Variants in ABL1 observed in about 807,000 individuals in gnomAD.
ABL1 encodes ABL proto-oncogene 1, non-receptor tyrosine kinase, also known as tyrosine-protein kinase ABL1.
A neutral mutation model predicts 94.7 loss-of-function variants in ABL1; 11 were observed. The observed-to-expected ratio is 0.12, with a 90% CI of 0.07 to 0.19. The LOEUF is 0.19. ABL1 is among the 10% of genes least tolerant of loss of function. ABL1 has a pLI of 1.00. For missense variants in ABL1, 1,082 were observed against 1,489.4 expected (o/e 0.73, Z 4.50); for synonymous variants, 656 against 622.4 (o/e 1.05, Z -0.80).
intron 1 of ABL1, among the ~76,000 whole-genome samples, chr9:130,735,903 G>GTA (rs147191210): frequency 0.52 from 72,035 of 139,758 alleles, 20,221 homozygotes; most frequent in African/African-American, 0.73. Flanking sequence ...ATATATATGT[G>GTA]TGTGTATATG....
chr9:130,745,000 A>G (rs975660878), intron 1 of ABL1, among the ~76,000 whole-genome samples: 3 of 151,990 alleles, frequency 2.0e-5, no homozygotes, highest in African/African-American at 7.2e-5. Flanking sequence ...ATGTTTTTCA[A>G]CTGTTTGCTT....
At position 130,881,935 on chromosome 9, in the gene ABL1, G is replaced by A. The variant is rs144052775; in HGVS notation, c.1678+1271G>A. 2.3e-3 allele frequency among the ~76,000 whole-genome samples: 344 copies of A among 151,840 alleles called. 1 individual carries two copies. Among genetic ancestry groups the A allele is most frequent in the African/African-American group, 6.7e-3 (279 of 41,342 alleles). ...CCCATATATATGGTATATAAAGTACGTATGTCCACTACTGTAGGAGTAGAG... is the reference window on the plus strand; with the variant it reads ...CCCATATATATGGTATATAAAGTACATATGTCCACTACTGTAGGAGTAGAG... On this transcript the variant is annotated intron_variant, in intron 10 of 10. Coordinates refer to ENST00000318560, the MANE Select transcript of ABL1 (RefSeq NM_005157.6).
chr9:130,881,998 T>C (rs532694503), intron 10 of ABL1, among the ~76,000 whole-genome samples: 37 of 152,308 alleles, frequency 2.4e-4, no homozygotes, highest in African/African-American at 8.2e-4. Flanking sequence ...TTTAAAAGGC[T>C]TGCATGCTAA....
At chr9:130,742,932 A>C (rs1349418151) in intron 1 of ABL1, among the ~76,000 whole-genome samples, 1 of 152,180 alleles carries the variant, frequency 6.6e-6, no homozygotes, top group Non-Finnish European at 1.5e-5. Flanking sequence ...TAAAACTTTA[A>C]AAAATGCGTT....
At chr9:130,870,845 A>G (rs868489562) in intron 4 of ABL1, among the ~76,000 whole-genome samples, 5 of 152,180 alleles carry the variant, frequency 3.3e-5, no homozygotes, top group Admixed American at 1.3e-4. Flanking sequence ...ACATAGCCTC[A>G]TTGGTCACGC....
intron 1 of ABL1, among the ~76,000 whole-genome samples, chr9:130,821,739 T>C (rs1359804860): frequency 6.6e-6 from 1 of 151,166 alleles, no homozygotes; most frequent in East Asian, 2.0e-4. Context: ...CTTGGCTCAC[T>C]GCAACTTCCG....
chr9:130,729,116 G>A (rs531201403), intron 1 of ABL1, among the ~76,000 whole-genome samples: 3 of 152,082 alleles, frequency 2.0e-5, no homozygotes, highest in East Asian at 1.9e-4. Context: ...CCAGACACCC[G>A]GCCCTTAGAA....
At chr9:130,792,765 C>T (rs1411342575) in intron 1 of ABL1, among the ~76,000 whole-genome samples, 2 of 152,122 alleles carry the variant, frequency 1.3e-5, no homozygotes, top group African/African-American at 4.8e-5. Flanking sequence ...GAGCTAAGAT[C>T]CTCAGAGAGG....
At chr9:130,857,850 C>T (rs534902297) in intron 3 of ABL1, among the ~76,000 whole-genome samples, 3 of 152,072 alleles carry the variant, frequency 2.0e-5, no homozygotes, top group Non-Finnish European at 4.4e-5. Flanking sequence ...TGTGACTAGA[C>T]GTGGGCCTGT....
At chr9:130,722,944 C>T (rs547556701) in intron 1 of ABL1, among the ~76,000 whole-genome samples, 4 of 152,174 alleles carry the variant, frequency 2.6e-5, no homozygotes, top group Non-Finnish European at 5.9e-5. Flanking sequence ...TGCTTCAGAT[C>T]TCCAAGTGTG....
At position 130,855,310 on chromosome 9, in the gene ABL1, T is replaced by C. The variant is rs143069209; in HGVS notation, c.549+214T>C. 1.1e-4 allele frequency among the ~76,000 whole-genome samples: 16 copies of C among 152,330 alleles called. No individual in the cohort carries two copies. The East Asian group carries it at 3.1e-3, about 29-fold the overall frequency. On this transcript the variant is annotated intron_variant, in intron 3 of 10. Coordinates refer to ENST00000318560, the MANE Select transcript of ABL1 (RefSeq NM_005157.6). ...TCCTGGGACTGGTATGATTCTCTTATTGTCTTGCTAGAGTTTTGTTGTTAG... is the reference window on the plus strand; with the variant it reads ...TCCTGGGACTGGTATGATTCTCTTACTGTCTTGCTAGAGTTTTGTTGTTAG...
intron 1 of ABL1, among the ~76,000 whole-genome samples, chr9:130,851,986 C>A (rs1417161072): frequency 6.6e-6 from 1 of 151,796 alleles, no homozygotes; most frequent in East Asian, 1.9e-4. Flanking sequence ...GCCATGTTGG[C>A]CAGGCTGGTC....
At chr9:130,821,561 G>A (rs1830363274) in intron 1 of ABL1, among the ~76,000 whole-genome samples, 1 of 151,592 alleles carries the variant, frequency 6.6e-6, no homozygotes. Flanking sequence ...TCCAGTTTTG[G>A]TCATCATTAA....
At chr9:130,821,387 A>G (rs61492445) in intron 1 of ABL1, among the ~76,000 whole-genome samples, 7 of 152,286 alleles carry the variant, frequency 4.6e-5, no homozygotes, top group African/African-American at 1.7e-4. Context: ...AGTTTTATAC[A>G]ATATATGACC....
chr9:130,826,541 A>G (rs888565111), intron 1 of ABL1, among the ~76,000 whole-genome samples: 4 of 152,254 alleles, frequency 2.6e-5, no homozygotes, highest in Non-Finnish European at 4.4e-5. Context: ...CAAGGATGCC[A>G]AAACCTCTTC....
chr9:130,821,011 C>G (rs1830353851), intron 1 of ABL1, among the ~76,000 whole-genome samples: 2 of 152,172 alleles, frequency 1.3e-5, no homozygotes, highest in African/African-American at 4.8e-5. Context: ...CTCACTGCAG[C>G]CTCCACCTCC....
chr9:130,799,571 G>C (rs1240822114), intron 1 of ABL1, among the ~76,000 whole-genome samples: 2 of 152,142 alleles, frequency 1.3e-5, no homozygotes, highest in African/African-American at 4.8e-5. Context: ...AAAAAATACG[G>C]ATTAGATAAT....
In ABL1 at chr9:130,862,693, A is replaced by T; in HGVS notation, c.550-70A>T. 6.4e-7 allele frequency: 1 copy of T among 1,553,220 alleles called. No individual in the cohort carries two copies. Among genetic ancestry groups the T allele is most frequent in the Middle Eastern group, 1.8e-4 (1 of 5,692 alleles). On this transcript the variant is annotated intron_variant, in intron 3 of 10. Transcript: ENST00000318560. The surrounding 1 kb of genome is among the most constrained non-coding windows in gnomAD (Gnocchi z 5.5). ...TGTGTAGTGAATTAAGGCTCAGCCA[A>T]ACTGGCTCACGTGAGCTCTTTGAGC...
chr9:130,885,870 TCCCGCACCTTCCTCCTC>T lies in ABL1; in HGVS notation c.*193_*209del, dbSNP rs1831573337. ...CTACCTACGTTTGCACCGCCTGCCC[TCCCGCACCTTCCTCCTC>T]CCCGCTCCGTCTCTGTCCTCGAATT... On this transcript the variant is annotated 3_prime_UTR_variant, in exon 11 of 11. Coordinates refer to ENST00000318560, the MANE Select transcript of ABL1 (RefSeq NM_005157.6). 1 of 694,712 alleles carries T rather than the reference TCCCGCACCTTCCTCCTC, an allele frequency of 1.4e-6. No individual in the cohort carries two copies. The highest frequency in any genetic ancestry group is 2.3e-6 in the Non-Finnish European group (1 of 430,710). The allele number at this position is 694,712 out of a possible 1,614,324, so 43.0% of individuals were successfully genotyped here. A position where few individuals can be genotyped will look rare whatever the true frequency, so the allele number is the denominator to read the frequency against.
Sources: gnomAD v4.1 joint callset for allele counts (sites outside exome capture counted in the v4.1 genomes callset) on GRCh38, gnomAD v4.1.1 for gene constraint, Gnocchi (gnomAD v3.1) non-coding constraint, MANE v1.5 for transcripts, NCBI Gene and HGNC (gene_info 2026-07-23, HGNC 2026-07-21) for gene names.